DNAJC18: variants seen among roughly 807,000 people sequenced by gnomAD.
DNAJC18 encodes dnaJ homolog subfamily C member 18.
In DNAJC18, 40 loss-of-function variants were observed where a neutral mutation model predicts 48.6. The observed-to-expected ratio is 0.82, with a 90% CI of 0.64 to 1.07. The LOEUF (loss-of-function observed/expected upper bound fraction) is 1.07. Among genes scored for constraint, DNAJC18 ranks in the 50% least tolerant of loss-of-function variants. DNAJC18 has a pLI of 0.00. For missense variants in DNAJC18, 340 were observed against 427.7 expected (o/e 0.79, Z 1.81); for synonymous variants, 135 against 152.2 (o/e 0.89, Z 0.83).
At chr5:139,424,765 A>G (rs1017898519) in intron 5 of DNAJC18, among the ~76,000 whole-genome samples, 5 of 140,958 alleles carry the variant, frequency 3.5e-5, no homozygotes, top group African/African-American at 1.3e-4. Context: ...TGATGAAGTC[A>G]GCCCCACAGA....
At chr5:139,419,003 C>T (rs1052953560) in intron 7 of DNAJC18, 3 of 411,548 alleles carry the variant, frequency 7.3e-6, no homozygotes, top group Non-Finnish European at 9.8e-6. Flanking sequence ...AACTTGAGGG[C>T]GGGGTTGGGA....
chr5:139,417,346 T>A (rs1311210737), intron 7 of DNAJC18, among the ~76,000 whole-genome samples: 1 of 152,264 alleles, frequency 6.6e-6, no homozygotes, highest in East Asian at 1.9e-4. Context: ...TGTTCTCAAG[T>A]GGGTTTATTT....
In DNAJC18 at chr5:139,428,626, G is replaced by A. The variant is rs373318949; in HGVS notation, c.285C>T (p.Asp95=). The change falls in exon 3 of 8, where the codon GAC becomes GAT. Residue 95 remains aspartate, a synonymous_variant. Coordinates refer to ENST00000302060, the MANE Select transcript of DNAJC18 (RefSeq NM_152686.4). ...TTCTGTAAGCTTTCTTAAGCTCTTC[G>A]TCACTAGCATCTCGAGAAACTCCCA... ...EILGVSRDAS[D]EELKKAYRKL... is the part of the protein sequence containing the mutation. The A allele has an allele frequency of 2.0e-5, 32 of 1,613,534 alleles. No individual in the cohort carries two copies. Among genetic ancestry groups the A allele is most frequent in the Non-Finnish European group, 2.5e-5 (29 of 1,179,850 alleles).
rs1758977592 is a variant in DNAJC18, at chr5:139,410,429, T to C, written c.*3719A>G. Reference sequence around the variant, plus strand: ...CTAACACGAGTATATACTTTCTTGGTGGCCACTGCATGACATATCAACAGT... The same window carrying C: ...CTAACACGAGTATATACTTTCTTGGCGGCCACTGCATGACATATCAACAGT... On this transcript the variant is annotated 3_prime_UTR_variant, in exon 8 of 8. Coordinates refer to ENST00000302060, the MANE Select transcript of DNAJC18 (RefSeq NM_152686.4). 1 of 152,230 alleles carries C rather than the reference T, an allele frequency of 6.6e-6. No homozygotes were observed. 9.4% of individuals were successfully genotyped at this position (152,230 alleles called of 1,614,324 possible).
At chr5:139,426,131 T>G (rs780110063) in intron 4 of DNAJC18, 41 bp downstream of exon 4, 2 of 1,586,192 alleles carry the variant, frequency 1.3e-6, no homozygotes, top group South Asian at 1.2e-5. Context: ...GAGCCATAAA[T>G]AAAGAAATAT....
chr5:139,430,068 A>G (rs1384190687), intron 2 of DNAJC18, among the ~76,000 whole-genome samples: 1 of 152,224 alleles, frequency 6.6e-6, no homozygotes, highest in Non-Finnish European at 1.5e-5. Context: ...AACGTTTTAT[A>G]CTCTTAAAAA....
At chr5:139,415,591 T>G (rs1403196016) in intron 7 of DNAJC18, among the ~76,000 whole-genome samples, 1 of 152,218 alleles carries the variant, frequency 6.6e-6, no homozygotes, top group Non-Finnish European at 1.5e-5. Flanking sequence ...AGCCAGGGCT[T>G]GCCTTGGCAC....
At chr5:139,437,739 G>T (rs958077160) in intron 1 of DNAJC18, among the ~76,000 whole-genome samples, 181 bp from the exon 2 acceptor site, 89 of 152,122 alleles carry the variant, frequency 5.9e-4, no homozygotes, top group African/African-American at 2.1e-3. Flanking sequence ...GTTTCTCTGT[G>T]GTCCGTGGTC....
At position 139,417,146 on chromosome 5, in the gene DNAJC18, C is replaced by T. The variant is rs558593341; in HGVS notation, c.953-2874G>A. The stretch of plus-strand genomic sequence containing the variant: ...TGGAGGTTGCAGTGCGCCGAGATTG[C>T]ATGACTGCACTCCAGCCTGAGCGAG... On this transcript the variant is annotated intron_variant, in intron 7 of 7. Transcript: ENST00000302060. Among the ~76,000 whole-genome samples, 41 of 146,304 alleles carry T rather than the reference C, an allele frequency of 2.8e-4. 1 individual carries two copies. In the South Asian group the frequency reaches 8.6e-3, roughly 31 times the overall value.
intron 6 of DNAJC18, 41 bp downstream of exon 6, chr5:139,422,667 C>A: frequency 6.9e-7 from 1 of 1,447,874 alleles, no homozygotes; most frequent in Non-Finnish European, 9.6e-7. Context: ...TCTTTCACCC[C>A]CAGACTGTTA....
Position 139,428,568 on chromosome 5 carries a change from A to G in DNAJC18, c.343T>C (p.Cys115Arg). ...LALKFHPDKN[C>R]APGATDAFKA... ...AAAGCATCTGTTGCTCCAGGAGCAC[A>G]GTTCTTGTCAGGGTGAAATTTCAGG... The change falls in exon 3 of 8, where the codon TGT becomes CGT. Residue 115 changes from cysteine to arginine, a missense_variant. Physicochemically the swap from Cys to Arg is radical, Grantham distance 180. Transcript: ENST00000302060. The G allele has an allele frequency of 6.2e-7, 1 of 1,613,990 alleles. No individual in the cohort carries two copies. Among genetic ancestry groups the G allele is most frequent in the Non-Finnish European group, 8.5e-7 (1 of 1,179,964 alleles).
Position 139,413,945 on chromosome 5 carries a change from G to T in DNAJC18, c.*203C>A. On this transcript the variant is annotated 3_prime_UTR_variant, in exon 8 of 8. Coordinates refer to ENST00000302060, the MANE Select transcript of DNAJC18 (RefSeq NM_152686.4). ...AATTTAACTTAGATGAACTACTCCT[G>T]GTCCCTGGAGCCACTCCCCAGGAAG... 1.6e-6 allele frequency: 1 copy of T among 642,598 alleles called. No individual in the cohort carries two copies. Among genetic ancestry groups the T allele is most frequent in the Non-Finnish European group, 2.5e-6 (1 of 395,154 alleles). 39.8% of individuals were successfully genotyped at this position (642,598 alleles called of 1,614,324 possible). A position where few individuals can be genotyped will look rare whatever the true frequency, so the allele number is the denominator to read the frequency against.
chr5:139,417,116 G>T (rs1759080748), intron 7 of DNAJC18, among the ~76,000 whole-genome samples: 1 of 151,924 alleles, frequency 6.6e-6, no homozygotes, highest in South Asian at 2.1e-4. Context: ...CTTGAACCTG[G>T]GAGGTGGAGG....
At chr5:139,421,248 G>T (rs1376066077) in intron 6 of DNAJC18, among the ~76,000 whole-genome samples, 7 of 152,114 alleles carry the variant, frequency 4.6e-5, no homozygotes, top group Non-Finnish European at 1.0e-4. Flanking sequence ...AGGCGTTCGA[G>T]ACCAGCCCAG....
Position 139,412,740 on chromosome 5 carries a change from T to G in DNAJC18, c.*1408A>C. The G allele has an allele frequency of 2.5e-6, 1 of 398,680 alleles. No homozygotes were observed. Among genetic ancestry groups the G allele is most frequent in the Non-Finnish European group, 4.4e-6 (1 of 226,102 alleles). The allele number at this position is 398,680 out of a possible 1,614,324, so 24.7% of individuals were successfully genotyped here. On this transcript the variant is annotated 3_prime_UTR_variant, in exon 8 of 8. Transcript: ENST00000302060. ...TTCTTCCTAGTCACCAGTGGAGGGC[T>G]GCCTGCCTGTGAGGGACCTCTTATT...
intron 4 of DNAJC18, 51 bp downstream of exon 4, chr5:139,426,121 G>T (rs1434604085): frequency 6.4e-7 from 1 of 1,563,194 alleles, no homozygotes; most frequent in South Asian, 1.2e-5. Context: ...AGCTTGCTGA[G>T]AGCCATAAAT....
At chr5:139,414,967 A>C (rs1317893067) in intron 7 of DNAJC18, among the ~76,000 whole-genome samples, 1 of 152,204 alleles carries the variant, frequency 6.6e-6, no homozygotes, top group Non-Finnish European at 1.5e-5. Context: ...TTCCTGACTC[A>C]ACAGTGGTTT....
At chr5:139,435,223 C>T (rs932687110) in intron 2 of DNAJC18, among the ~76,000 whole-genome samples, 6 of 151,934 alleles carry the variant, frequency 3.9e-5, no homozygotes, top group East Asian at 1.9e-4. Flanking sequence ...CATGGTGGTG[C>T]GCGTCTGTAG....
chr5:139,435,741 G>A (rs1032129469), intron 2 of DNAJC18, among the ~76,000 whole-genome samples: 2 of 18,900 alleles, frequency 1.1e-4, no homozygotes, highest in South Asian at 2.8e-3. Context: ...TTCAGACAAG[G>A]TCTCCCTCTG....
Sources: allele counts gnomAD v4.1 joint callset (sites outside exome capture counted in the v4.1 genomes callset), GRCh38; gene constraint gnomAD v4.1.1; transcripts MANE v1.5; gene names NCBI Gene and HGNC (gene_info 2026-07-23, HGNC 2026-07-21).